OPCML: variants seen among roughly 807,000 people sequenced by gnomAD.
OPCML encodes opioid binding protein/cell adhesion molecule like, also known as opioid-binding protein/cell adhesion molecule.
OPCML carries 13 observed loss-of-function variants against 37.8 expected under a neutral mutation model. The ratio of observed to expected loss-of-function variants is 0.34; its 90% CI spans 0.22 to 0.55. OPCML has a LOEUF of 0.55. Among genes scored for constraint, OPCML ranks in the 20% least tolerant of loss-of-function variants. The pLI is 0.91. For missense variants in OPCML, 341 were observed against 435.6 expected, an observed-to-expected ratio of 0.78 and a Z score of 1.93; for synonymous variants, 176 against 168.8, an observed-to-expected ratio of 1.04 and a Z score of -0.33.
chr11:132,669,224 C>T (rs1174964502), intron 2 of OPCML, among the ~76,000 whole-genome samples: 1 of 151,832 alleles, frequency 6.6e-6, no homozygotes. Flanking sequence ...CTAGAAGAAC[C>T]ATTCTCAAGC....
chr11:133,385,550 G>A (rs139595631), intron 1 of OPCML, among the ~76,000 whole-genome samples: 1 of 152,124 alleles, frequency 6.6e-6, no homozygotes, highest in Admixed American at 6.5e-5. Flanking sequence ...GGGTGGGGAG[G>A]ACGGGAACAC....
At chr11:132,921,461 A>G (rs999583300) in intron 2 of OPCML, among the ~76,000 whole-genome samples, 10 of 152,218 alleles carry the variant, frequency 6.6e-5, no homozygotes, top group Non-Finnish European at 2.9e-5. Context: ...TGGGGACTAC[A>G]TTTGTGGCAT....
intron 2 of OPCML, among the ~76,000 whole-genome samples, chr11:132,822,170 G>C (rs1940030592): frequency 6.6e-6 from 1 of 152,092 alleles, no homozygotes; most frequent in South Asian, 2.1e-4. Flanking sequence ...AGACTACACA[G>C]CTGGTGTGCA....
rs73588593 is a variant in OPCML, at chr11:133,075,909, T to G, written c.62-132899A>C. Among the ~76,000 whole-genome samples, 926 of 152,312 alleles carry G rather than the reference T, an allele frequency of 6.1e-3. 6 individuals are homozygous for G. Among genetic ancestry groups the G allele is most frequent in the African/African-American group, 0.019 (779 of 41,560 alleles). Reference sequence around the variant, plus strand: ...TTCCAGTCAGCCTGTATTTTTTTCCTTTTTATTCAGTTATTTGAATGATAA... The same window carrying G: ...TTCCAGTCAGCCTGTATTTTTTTCCGTTTTATTCAGTTATTTGAATGATAA... On this transcript the variant is annotated intron_variant, in intron 1 of 7. Transcript: ENST00000524381.
intron 3 of OPCML, among the ~76,000 whole-genome samples, chr11:132,612,323 G>A (rs763653853): frequency 1.3e-4 from 20 of 152,096 alleles, no homozygotes; most frequent in Non-Finnish European, 2.8e-4. Context: ...CACTTATGAA[G>A]CATAAGTTTG....
At chr11:132,937,494 G>C (rs1945416128) in intron 2 of OPCML, among the ~76,000 whole-genome samples, 1 of 151,606 alleles carries the variant, frequency 6.6e-6, no homozygotes, top group African/African-American at 2.4e-5. Flanking sequence ...GAGAGAGAGA[G>C]AGTGTGTGTG....
intron 1 of OPCML, among the ~76,000 whole-genome samples, chr11:133,467,332 T>C (rs192640100): frequency 6.6e-6 from 1 of 152,278 alleles, no homozygotes; most frequent in Admixed American, 6.5e-5. Context: ...CTTAGAGCTG[T>C]CCCTACTTGG....
At chr11:132,773,949 AAGAG>A (rs970374615) in intron 2 of OPCML, among the ~76,000 whole-genome samples, 2 of 152,004 alleles carry the variant, frequency 1.3e-5, no homozygotes, top group Non-Finnish European at 1.5e-5. Context: ...GAGTTTTGTA[AAGAG>A]AGAGAGAGAA....
chr11:133,327,459 C>T (rs1403545200), intron 1 of OPCML, among the ~76,000 whole-genome samples: 1 of 151,864 alleles, frequency 6.6e-6, no homozygotes, highest in Non-Finnish European at 1.5e-5. Context: ...TCTCTAGGGT[C>T]AGATTCCTAG....
At chr11:132,458,554 T>C (rs769279723) in intron 4 of OPCML, among the ~76,000 whole-genome samples, 1 of 152,198 alleles carries the variant, frequency 6.6e-6, no homozygotes, top group Non-Finnish European at 1.5e-5. Context: ...TCTTAAACAA[T>C]TATTGAGGAC....
In OPCML at chr11:132,736,283, G is replaced by C. The variant is rs1945254260; in HGVS notation, c.147-78964C>G. On this transcript the variant is annotated intron_variant, in intron 2 of 7. Transcript: ENST00000524381. Reference sequence around the variant, plus strand: ...GCTACTCAAGGCTATATGGAAGGAAGCACACTGAAGGACCATCATCCTCAC... The same window carrying C: ...GCTACTCAAGGCTATATGGAAGGAACCACACTGAAGGACCATCATCCTCAC... Among the ~76,000 whole-genome samples, 5 of 152,216 alleles carry C rather than the reference G, an allele frequency of 3.3e-5. No individual in the cohort carries two copies. The South Asian group carries it at 1.0e-3, about 32-fold the overall frequency.
In OPCML at chr11:132,722,846, G is replaced by T. The variant is rs578004110; in HGVS notation, c.147-65527C>A. 3.9e-5 allele frequency among the ~76,000 whole-genome samples: 6 copies of T among 152,266 alleles called. No homozygotes were observed. In the South Asian group the frequency reaches 1.2e-3, roughly 32 times the overall value. ...GAAGTTTTAACACGATTGCTTCAGT[G>T]TCACTAAAGTGTCATCTCACTTTAT... On this transcript the variant is annotated intron_variant, in intron 2 of 7. Transcript: ENST00000524381.
intron 2 of OPCML, 65 bp downstream of exon 2, chr11:132,942,861 C>T: frequency 6.2e-7 from 1 of 1,600,808 alleles, no homozygotes; most frequent in South Asian, 1.1e-5. Flanking sequence ...TCTGCCCCCT[C>T]TTCCCTCCTC....
chr11:132,603,556 G>A (rs535340442), intron 3 of OPCML, among the ~76,000 whole-genome samples: 1 of 152,258 alleles, frequency 6.6e-6, no homozygotes, highest in East Asian at 1.9e-4. Context: ...CTGTTTCCCT[G>A]TTCTCCAATT....
At chr11:133,425,492 T>G (rs889592486) in intron 1 of OPCML, among the ~76,000 whole-genome samples, 1 of 152,206 alleles carries the variant, frequency 6.6e-6, no homozygotes, top group Non-Finnish European at 1.5e-5. Flanking sequence ...ACAGCCCTGT[T>G]AGTTGAGCAC....
chr11:133,476,736 C>G (rs79729200), intron 1 of OPCML, among the ~76,000 whole-genome samples: 1 of 152,082 alleles, frequency 6.6e-6, no homozygotes, highest in African/African-American at 2.4e-5. Context: ...TCGAGGAGAA[C>G]GGCAAGACAG....
chr11:132,707,629 T>C (rs1235587515), intron 2 of OPCML, among the ~76,000 whole-genome samples: 1 of 152,178 alleles, frequency 6.6e-6, no homozygotes, highest in Non-Finnish European at 1.5e-5. Context: ...TTAACCAACA[T>C]GTAGAATTAG....
At chr11:133,241,469 G>A (rs1227595669) in intron 1 of OPCML, among the ~76,000 whole-genome samples, 1 of 152,208 alleles carries the variant, frequency 6.6e-6, no homozygotes, top group Non-Finnish European at 1.5e-5. Context: ...CTTGGCATAT[G>A]CTTCCAGCAT....
intron 2 of OPCML, among the ~76,000 whole-genome samples, chr11:132,897,064 G>C (rs1565945582): frequency 6.6e-6 from 1 of 152,156 alleles, no homozygotes; most frequent in East Asian, 1.9e-4. Context: ...AGAACAGAAG[G>C]CTCTACAGCA....
Sources: allele counts gnomAD v4.1 joint callset (sites outside exome capture counted in the v4.1 genomes callset), GRCh38; gene constraint gnomAD v4.1.1; transcripts MANE v1.5; gene names NCBI Gene and HGNC (gene_info 2026-07-23, HGNC 2026-07-21).